CSMD1: variants seen among roughly 807,000 people sequenced by gnomAD.
CSMD1 encodes CUB and Sushi multiple domains 1.
CSMD1 carries 213 observed loss-of-function variants against 417.5 expected under a neutral mutation model. The observed-to-expected ratio is 0.51, with a 90% confidence interval of 0.46 to 0.57. The LOEUF is 0.57. CSMD1 is among the 20% of genes least tolerant of loss of function. CSMD1 has a pLI of 0.00. For missense variants in CSMD1, 6,923 were observed against 4,529.7 expected (o/e 1.53, Z -15.17); for synonymous variants, 2,862 against 1,736.8 (o/e 1.65, Z -16.11).
chr8:3,658,489 A>G (rs1331274946), intron 7 of CSMD1, among the ~76,000 whole-genome samples: 2 of 108,712 alleles, frequency 1.8e-5, no homozygotes, highest in Non-Finnish European at 2.2e-5. Flanking sequence ...TATTTAATTT[A>G]AAGCTTTCCT....
At chr8:3,965,202 C>T (rs761551388) in intron 5 of CSMD1, among the ~76,000 whole-genome samples, 1 of 152,062 alleles carries the variant, frequency 6.6e-6, no homozygotes, top group Non-Finnish European at 1.5e-5. Context: ...GAGACAAGGG[C>T]GGAAGGAGGG....
rs899708873 is a variant in CSMD1 at position 3,929,637 on chromosome 8, T to C, written c.818+68266A>G. ...TCTTTAAAAGGAAGAGTATATTGTT[T>C]CAAAACATATTTGTATGAATAAAAA... On this transcript the variant is annotated intron_variant, in intron 5 of 69. Coordinates refer to ENST00000635120, the MANE Select transcript of CSMD1 (RefSeq NM_033225.6). Among the ~76,000 whole-genome samples the C allele has an allele frequency of 2.0e-5, 3 of 148,690 alleles. 1 individual carries two copies.
At chr8:4,460,740 G>C (rs1041598181) in intron 2 of CSMD1, among the ~76,000 whole-genome samples, 1 of 151,992 alleles carries the variant, frequency 6.6e-6, no homozygotes, top group Non-Finnish European at 1.5e-5. Flanking sequence ...CAAAACTTAA[G>C]TCAAACAACA....
chr8:4,955,261 C>G (rs886728371), intron 1 of CSMD1, among the ~76,000 whole-genome samples: 2 of 152,094 alleles, frequency 1.3e-5, no homozygotes, highest in Admixed American at 6.5e-5. Context: ...CACAGTCATC[C>G]TTAAAAACCA....
intron 1 of CSMD1, among the ~76,000 whole-genome samples, chr8:4,917,987 C>G (rs4457351): frequency 0.97 from 148,074 of 152,320 alleles, 72,059 homozygotes; most frequent in East Asian, 1. Context: ...TTGTTACTGT[C>G]TGTGATAACA....
chr8:4,650,277 G>A (rs544536653), intron 1 of CSMD1, among the ~76,000 whole-genome samples: 25 of 149,920 alleles, frequency 1.7e-4, no homozygotes, highest in Non-Finnish European at 1.2e-4. Flanking sequence ...CCCGGGAGGC[G>A]GAGCTTGCAG....
intron 1 of CSMD1, among the ~76,000 whole-genome samples, chr8:4,929,185 G>A (rs10111811): frequency 0.022 from 3,290 of 152,248 alleles, 86 homozygotes; most frequent in African/African-American, 0.064. Flanking sequence ...CTCCTGCAAA[G>A]GGAACAGAGC....
intron 3 of CSMD1, among the ~76,000 whole-genome samples, chr8:4,286,834 C>G (rs17069841): frequency 0.26 from 40,101 of 152,074 alleles, 5,414 homozygotes; most frequent in East Asian, 0.33. Context: ...GTTGCTGTTG[C>G]TGTTTGTTAT....
At chr8:3,744,973 A>G (rs1796995917) in intron 6 of CSMD1, among the ~76,000 whole-genome samples, 1 of 152,178 alleles carries the variant, frequency 6.6e-6, no homozygotes, top group Non-Finnish European at 1.5e-5. Context: ...GGCCTTTTGT[A>G]GTAAAGCCTA....
At chr8:3,332,818 A>T (rs118174186) in intron 23 of CSMD1, among the ~76,000 whole-genome samples, 2 of 152,180 alleles carry the variant, frequency 1.3e-5, no homozygotes, top group African/African-American at 4.8e-5. Flanking sequence ...CCAACCCTGG[A>T]TGTATGAATG....
intron 2 of CSMD1, among the ~76,000 whole-genome samples, chr8:4,572,213 G>A (rs542567748): frequency 5.9e-5 from 9 of 152,270 alleles, no homozygotes; most frequent in Non-Finnish European, 1.0e-4. Context: ...TCATAGTGTT[G>A]TTGGTCTTTA....
chr8:4,862,134 C>A (rs1036944726), intron 1 of CSMD1, among the ~76,000 whole-genome samples: 18 of 151,898 alleles, frequency 1.2e-4, no homozygotes, highest in African/African-American at 4.4e-4. Context: ...GGTCTGGGGA[C>A]AAGGAGGCAT....
chr8:3,615,762 AT>A (rs1036647482), intron 8 of CSMD1, among the ~76,000 whole-genome samples: 1 of 151,702 alleles, frequency 6.6e-6, no homozygotes, highest in African/African-American at 2.4e-5. Flanking sequence ...CTTTTTTTGG[AT>A]TTTTTTCAAA....
intron 5 of CSMD1, among the ~76,000 whole-genome samples, chr8:3,984,895 A>G (rs1323853208): frequency 1.3e-5 from 2 of 152,006 alleles, no homozygotes; most frequent in South Asian, 4.2e-4. Context: ...CCATAAAACG[A>G]ATACTTTATT....
chr8:3,948,545 G>C (rs565502282), intron 5 of CSMD1, among the ~76,000 whole-genome samples: 8 of 151,852 alleles, frequency 5.3e-5, no homozygotes, highest in Non-Finnish European at 8.8e-5. Context: ...ATTATATTTG[G>C]TTGCTGGACA....
chr8:4,326,037 G>C lies in CSMD1; in HGVS notation c.415+93916C>G, dbSNP rs566738123. On this transcript the variant is annotated intron_variant, in intron 3 of 69. Transcript: ENST00000635120. ...GCTCGCTATTTTTAAAGCAATATTT[G>C]TTGACCTAACACGGGATTCTCCAAC... Among the ~76,000 whole-genome samples the C allele has an allele frequency of 3.9e-5, 6 of 152,196 alleles. No homozygotes were observed. In the East Asian group the frequency reaches 5.8e-4, roughly 15 times the overall value.
intron 1 of CSMD1, among the ~76,000 whole-genome samples, chr8:4,944,166 A>G (rs1161035801): frequency 6.6e-6 from 1 of 152,184 alleles, no homozygotes; most frequent in Non-Finnish European, 1.5e-5. Context: ...CTCATGAAAG[A>G]GAAAAAATCC....
At chr8:4,733,763 C>G (rs1205540290) in intron 1 of CSMD1, among the ~76,000 whole-genome samples, 3 of 152,098 alleles carry the variant, frequency 2.0e-5, no homozygotes, top group African/African-American at 7.2e-5. Flanking sequence ...AACAAAGAAA[C>G]AAACTTAACA....
At chr8:4,741,089 A>T (rs549350454) in intron 1 of CSMD1, among the ~76,000 whole-genome samples, 2 of 152,334 alleles carry the variant, frequency 1.3e-5, no homozygotes, top group South Asian at 4.1e-4. Flanking sequence ...AAAATATTAA[A>T]TTGGCTCACA....
Sources: gnomAD v4.1 joint callset for allele counts (sites outside exome capture counted in the v4.1 genomes callset) on GRCh38, gnomAD v4.1.1 for gene constraint, MANE v1.5 for transcripts, NCBI Gene and HGNC (gene_info 2026-07-23, HGNC 2026-07-21) for gene names.